Variants in ANK1 observed in about 807,000 individuals in gnomAD.
The protein encoded by ANK1 is ankyrin-1.
In ANK1, 51 loss-of-function variants were observed where a neutral mutation model predicts 210.4. The ratio of observed to expected loss-of-function variants is 0.24; its 90% CI spans 0.19 to 0.31. The LOEUF is 0.31. ANK1 is among the 10% of genes least tolerant of loss of function. The pLI, the probability that ANK1 is intolerant of heterozygous loss-of-function variation, is 1.00. For synonymous variants in ANK1, 967 were observed against 1,025.9 expected (o/e 0.94, Z 1.10); for missense variants, 2,051 against 2,504.4 (o/e 0.82, Z 3.86).
intron 39 of ANK1, chr8:41,664,684 T>A: frequency 9.8e-7 from 1 of 1,019,004 alleles, no homozygotes; most frequent in Non-Finnish European, 1.5e-6. Context: ...GGGGGCCTCC[T>A]GGTCCTTTTC....
intron 1 of ANK1, chr8:41,896,345 C>T (rs758465706): frequency 5.0e-6 from 8 of 1,589,476 alleles, no homozygotes; most frequent in South Asian, 3.4e-5. Flanking sequence ...TCACCGCCGC[C>T]CCCTCCTACC....
intron 1 of ANK1, among the ~76,000 whole-genome samples, chr8:41,765,735 C>T (rs750122920): frequency 6.6e-6 from 1 of 152,136 alleles, no homozygotes; most frequent in Non-Finnish European, 1.5e-5. Flanking sequence ...TCCTGGTTAC[C>T]TGAGACACCC....
intron 1 of ANK1, among the ~76,000 whole-genome samples, chr8:41,846,018 T>C (rs901070876): frequency 3.9e-5 from 6 of 152,230 alleles, no homozygotes; most frequent in African/African-American, 1.4e-4. Flanking sequence ...TCAGCATGCA[T>C]GGAAGCTGAT....
At chr8:41,691,306 G>A (rs1486361820) in intron 31 of ANK1, among the ~76,000 whole-genome samples, 1 of 152,142 alleles carries the variant, frequency 6.6e-6, no homozygotes, top group African/African-American at 2.4e-5. Flanking sequence ...CACTTGCTCT[G>A]TTTTAATCTC....
At chr8:41,862,388 G>A (rs1413311313) in intron 1 of ANK1, among the ~76,000 whole-genome samples, 1 of 152,154 alleles carries the variant, frequency 6.6e-6, no homozygotes, top group Non-Finnish European at 1.5e-5. Flanking sequence ...TCCCAGCCCT[G>A]AACAGAGAGA....
At chr8:41,869,556 G>A (rs1164681274) in intron 1 of ANK1, among the ~76,000 whole-genome samples, 1 of 152,076 alleles carries the variant, frequency 6.6e-6, no homozygotes, top group Non-Finnish European at 1.5e-5. Flanking sequence ...TTCCAGCCTG[G>A]GTGACAGAGC....
At chr8:41,787,876 GAGGAGA>G (rs1846753342) in intron 1 of ANK1, among the ~76,000 whole-genome samples, 5 of 151,968 alleles carry the variant, frequency 3.3e-5, no homozygotes, top group Non-Finnish European at 7.4e-5. Context: ...GGAGGAGGAG[GAGGAGA>G]AAGAAGGAAA....
rs755176025 is a variant in ANK1 at position 41,714,991 on chromosome 8, C to T, written c.1686G>A (p.Pro562=). 8 of 1,614,058 alleles carry T rather than the reference C, an allele frequency of 5.0e-6. No individual in the cohort carries two copies. The Admixed American group carries it at 5.0e-5, about 10-fold the overall frequency. ...TCAAACTCACTTTTCCGGCAGCATT[C>T]GGGTGTGCGTCCCGCTCCAGCAGCA... ...AELLLERDAH[P]NAAGKNGLTP... is the part of the protein sequence containing the mutation. The change falls in exon 15 of 43, where the codon CCG becomes CCA. Residue 562 remains proline, a synonymous_variant. Coordinates refer to ENST00000289734, the MANE Select transcript of ANK1 (RefSeq NM_000037.4).
intron 1 of ANK1, among the ~76,000 whole-genome samples, chr8:41,794,086 T>C (rs902134810): frequency 6.6e-6 from 1 of 152,242 alleles, no homozygotes; most frequent in African/African-American, 2.4e-5. Flanking sequence ...CGTGAATCCC[T>C]GGTTTCAAAG....
Position 41,694,768 on chromosome 8 carries a change from C to A in ANK1, c.3151G>T (p.Val1051Leu), listed in dbSNP as rs748468242. ...GSLEELEKKR[V>L]CRIITTDFPL... ...AAGTCGGTGGTGATGATTCGGCACA[C>A]CCTCTTCTTCTCTAGCTCCTCCAGG... is the stretch of plus-strand genomic sequence containing the variant. The change falls in exon 28 of 43, where the codon GTG becomes TTG. Residue 1051 changes from valine to leucine, a missense_variant. Val to Leu is a conservative substitution (Grantham distance 32). Coordinates refer to ENST00000289734, the MANE Select transcript of ANK1 (RefSeq NM_000037.4). This position sits in a 1 kb window ranked among gnomAD's most constrained non-coding sequence, Gnocchi z 5.7. The A allele has an allele frequency of 3.7e-6, 6 of 1,613,998 alleles. No individual in the cohort carries two copies. The highest frequency in any genetic ancestry group is 5.1e-6 in the Non-Finnish European group (6 of 1,180,014).
chr8:41,706,545 C>T (rs567603872), intron 17 of ANK1, among the ~76,000 whole-genome samples: 1 of 152,326 alleles, frequency 6.6e-6, no homozygotes, highest in East Asian at 1.9e-4. Flanking sequence ...ACTTTATTTA[C>T]ACAAACAAGT....
chr8:41,832,081 A>G (rs976027339), intron 1 of ANK1, among the ~76,000 whole-genome samples: 1 of 152,184 alleles, frequency 6.6e-6, no homozygotes, highest in Non-Finnish European at 1.5e-5. Context: ...ATCTGTCTGT[A>G]TCTTGACCAT....
intron 1 of ANK1, among the ~76,000 whole-genome samples, chr8:41,765,353 G>A (rs947554753): frequency 2.0e-5 from 3 of 151,518 alleles, no homozygotes; most frequent in Admixed American, 6.6e-5. Flanking sequence ...ATCCTCCTGC[G>A]TCAACACCCC....
intron 37 of ANK1, among the ~76,000 whole-genome samples, chr8:41,676,941 G>A (rs1329869300): frequency 2.0e-5 from 3 of 152,122 alleles, no homozygotes; most frequent in Non-Finnish European, 2.9e-5. Flanking sequence ...TTCCTTAAAT[G>A]TTTGGTAGAA....
intron 16 of ANK1, among the ~76,000 whole-genome samples, chr8:41,710,082 T>A (rs1369678538): frequency 6.6e-6 from 1 of 152,140 alleles, no homozygotes; most frequent in Non-Finnish European, 1.5e-5. Flanking sequence ...CCAATTTTTG[T>A]TTTTATTATT....
chr8:41,889,486 G>A (rs1013409940), intron 1 of ANK1, among the ~76,000 whole-genome samples: 1 of 152,194 alleles, frequency 6.6e-6, no homozygotes, highest in African/African-American at 2.4e-5. Context: ...AAAAACACAG[G>A]GAAATCTTTG....
intron 1 of ANK1, among the ~76,000 whole-genome samples, chr8:41,802,995 G>GAGAAAGAAAGAAAGAAAGAA (rs58986564): frequency 8.7e-4 from 50 of 57,524 alleles, no homozygotes; most frequent in East Asian, 3.9e-3. Flanking sequence ...GAGAGAAAGA[G>GAGAAAGAAAGAAAGAAAGAA]AGAAAGAAAG....
At chr8:41,703,422 GTATATATATATA>G (rs57077078) in intron 20 of ANK1, among the ~76,000 whole-genome samples, 4 of 53,762 alleles carry the variant, frequency 7.4e-5, no homozygotes, top group Non-Finnish European at 1.4e-4. Context: ...GTGTGTGTGT[GTATATATATATA>G]TATATATATA....
chr8:41,747,127 T>C (rs1836390001), intron 2 of ANK1, among the ~76,000 whole-genome samples: 1 of 152,186 alleles, frequency 6.6e-6, no homozygotes, highest in South Asian at 2.1e-4. Context: ...AAGATTCATA[T>C]AAACTGTTAA....
Sources: allele counts gnomAD v4.1 joint callset (sites outside exome capture counted in the v4.1 genomes callset), GRCh38; gene constraint gnomAD v4.1.1; non-coding constraint Gnocchi (gnomAD v3.1); transcripts MANE v1.5; gene names NCBI Gene and HGNC (gene_info 2026-07-23, HGNC 2026-07-21).